PTPRK: variants seen among roughly 807,000 people sequenced by gnomAD.
PTPRK encodes the protein receptor-type tyrosine-protein phosphatase kappa.
PTPRK carries 75 observed loss-of-function variants against 178.0 expected under a neutral mutation model. The ratio of observed to expected loss-of-function variants is 0.42; its 90% CI spans 0.35 to 0.51. The LOEUF (loss-of-function observed/expected upper bound fraction) is 0.51, where lower values mean the gene tolerates loss of function less well. PTPRK is among the 20% of genes least tolerant of loss of function. The pLI is 0.02. For missense variants in PTPRK, 1,441 were observed against 1,797.8 expected (o/e 0.80, Z 3.59); for synonymous variants, 637 against 620.6 (o/e 1.03, Z -0.39).
intron 1 of PTPRK, among the ~76,000 whole-genome samples, chr6:128,434,758 G>A (rs905439140): frequency 2.0e-5 from 3 of 152,110 alleles, no homozygotes; most frequent in Non-Finnish European, 4.4e-5. Context: ...GCTGGGTACA[G>A]TGGCTTATGC....
chr6:128,066,283 T>C (rs7752113), intron 12 of PTPRK, among the ~76,000 whole-genome samples: 16,726 of 152,120 alleles, frequency 0.11, 2,748 homozygotes, highest in African/African-American at 0.35. Context: ...TCTAAAGACC[T>C]CAGTTCTTTA....
chr6:128,304,558 G>C (rs1826099166), intron 3 of PTPRK, among the ~76,000 whole-genome samples: 1 of 152,172 alleles, frequency 6.6e-6, no homozygotes, highest in African/African-American at 2.4e-5. Context: ...AAATCAAGTG[G>C]CTTCTTATGA....
intron 7 of PTPRK, among the ~76,000 whole-genome samples, chr6:128,126,244 C>T (rs866621358): frequency 2.0e-5 from 3 of 151,962 alleles, no homozygotes; most frequent in Non-Finnish European, 4.4e-5. Flanking sequence ...CAGGCCCCAG[C>T]GTGTGATGTT....
In PTPRK at chr6:128,431,746, T is replaced by C. The variant is rs751925667; in HGVS notation, c.101-34058A>G. ...CCTCCTTTAAGCGCATCCAACGCAA[T>C]AAAAGCTCAACATGAGATCTCCTTT... On this transcript the variant is annotated intron_variant, in intron 1 of 29. Transcript: ENST00000368226. Among the ~76,000 whole-genome samples the C allele has an allele frequency of 9.0e-4, 137 of 152,202 alleles. 1 individual carries two copies. Among genetic ancestry groups the C allele is most frequent in the Non-Finnish European group, 7.2e-4 (49 of 68,030 alleles).
At chr6:127,975,826 C>T (rs901315992) in intron 27 of PTPRK, among the ~76,000 whole-genome samples, 1 of 152,062 alleles carries the variant, frequency 6.6e-6, no homozygotes. Context: ...CATGCCACCA[C>T]CATGTCCAGC....
At chr6:128,273,219 G>A (rs1263911354) in intron 3 of PTPRK, among the ~76,000 whole-genome samples, 1 of 152,008 alleles carries the variant, frequency 6.6e-6, no homozygotes, top group African/African-American at 2.4e-5. Flanking sequence ...CGGGGTCGGG[G>A]GAGTGGGGAG....
At chr6:128,240,281 C>T (rs1814167225) in intron 4 of PTPRK, 131 bp from the exon 5 acceptor site, 4 of 670,664 alleles carry the variant, frequency 6.0e-6, no homozygotes. Context: ...AAGAAGAAAA[C>T]TGAGGGGCTT....
chr6:128,478,293 T>C (rs554041150), intron 1 of PTPRK, among the ~76,000 whole-genome samples: 1 of 152,278 alleles, frequency 6.6e-6, no homozygotes, highest in East Asian at 1.9e-4. Flanking sequence ...CTTCCTTTTT[T>C]GCCTTCTCAC....
intron 7 of PTPRK, among the ~76,000 whole-genome samples, chr6:128,102,570 G>T (rs1428775804): frequency 6.6e-6 from 1 of 152,132 alleles, no homozygotes; most frequent in Non-Finnish European, 1.5e-5. Context: ...TTTTAGACAG[G>T]AAAGAACTTC....
chr6:128,463,769 G>A (rs1334561944), intron 1 of PTPRK, among the ~76,000 whole-genome samples: 1 of 9,162 alleles, frequency 1.1e-4, no homozygotes, highest in African/African-American at 5.6e-4. Context: ...TTTTTTTTTT[G>A]AGACAGAGTT....
intron 6 of PTPRK, among the ~76,000 whole-genome samples, chr6:128,213,600 C>G (rs1275229859): frequency 6.6e-6 from 1 of 151,956 alleles, no homozygotes. Flanking sequence ...GAAAAAGGAT[C>G]TTTATATGAA....
intron 2 of PTPRK, among the ~76,000 whole-genome samples, chr6:128,376,624 C>T (rs190115186): frequency 1.7e-3 from 263 of 152,286 alleles, no homozygotes; most frequent in African/African-American, 6.2e-3. Context: ...CTGCAGCAGG[C>T]TTGAATTTCT....
intron 7 of PTPRK, among the ~76,000 whole-genome samples, chr6:128,179,647 G>A (rs963041264): frequency 2.0e-5 from 3 of 151,948 alleles, no homozygotes; most frequent in Non-Finnish European, 4.4e-5. Flanking sequence ...TTGTGAAACC[G>A]AACCAACTCT....
chr6:128,100,310 T>A (rs1166527456), intron 7 of PTPRK, among the ~76,000 whole-genome samples: 6 of 151,992 alleles, frequency 3.9e-5, no homozygotes, highest in African/African-American at 1.4e-4. Flanking sequence ...TTTTTTGAGA[T>A]AATGGAATGA....
chr6:128,416,320 C>T (rs1279390407), intron 1 of PTPRK, among the ~76,000 whole-genome samples: 1 of 151,708 alleles, frequency 6.6e-6, no homozygotes, highest in Non-Finnish European at 1.5e-5. Context: ...TGGGCAGGAT[C>T]AAGTTGAAGG....
intron 1 of PTPRK, among the ~76,000 whole-genome samples, chr6:128,495,024 G>T (rs1483914602): frequency 1.3e-5 from 2 of 152,098 alleles, no homozygotes; most frequent in African/African-American, 4.8e-5. Context: ...AACCACTAAA[G>T]AAAATATAAG....
intron 1 of PTPRK, among the ~76,000 whole-genome samples, chr6:128,468,641 G>T (rs1053202746): frequency 6.6e-6 from 1 of 152,022 alleles, no homozygotes; most frequent in African/African-American, 2.4e-5. Flanking sequence ...GCAATTCCAT[G>T]ACTTCGGTGG....
At chr6:128,286,326 C>T (rs1236496615) in intron 3 of PTPRK, among the ~76,000 whole-genome samples, 1 of 152,002 alleles carries the variant, frequency 6.6e-6, no homozygotes, top group African/African-American at 2.4e-5. Context: ...TTTTGTTCTC[C>T]TTCTCTTTTG....
chr6:128,084,578 G>A (rs1197130765), intron 8 of PTPRK, among the ~76,000 whole-genome samples: 2 of 152,148 alleles, frequency 1.3e-5, no homozygotes, highest in Non-Finnish European at 2.9e-5. Context: ...GACCATATTT[G>A]AAGAGCCTTT....
Sources: allele counts gnomAD v4.1 joint callset (sites outside exome capture counted in the v4.1 genomes callset), GRCh38; gene constraint gnomAD v4.1.1; transcripts MANE v1.5; gene names NCBI Gene and HGNC (gene_info 2026-07-23, HGNC 2026-07-21).